COL21A1: variants seen among roughly 807,000 people sequenced by gnomAD.
COL21A1 encodes collagen type XXI alpha 1 chain, also known as collagen alpha-1(XXI) chain.
COL21A1 carries 149 observed loss-of-function variants against 137.9 expected under a neutral mutation model. The ratio of observed to expected loss-of-function variants is 1.08; its 90% CI spans 0.95 to 1.24. The LOEUF (loss-of-function observed/expected upper bound fraction) is 1.24. COL21A1 is among the 50% of genes most tolerant of loss of function. The probability of loss-of-function intolerance (pLI) is 0.00; values close to 1 mark genes in which losing one functional copy is unlikely to be tolerated. For synonymous variants in COL21A1, 456 were observed against 391.5 expected (o/e 1.16, Z -1.95); for missense variants, 1,167 against 1,158.4 (o/e 1.01, Z -0.11).
chr6:56,109,181 A>T (rs1277555178), intron 16 of COL21A1, among the ~76,000 whole-genome samples: 1 of 151,794 alleles, frequency 6.6e-6, no homozygotes, highest in Admixed American at 6.5e-5. Context: ...GTAGGAAAAA[A>T]GAATAAAGAA....
intron 1 of COL21A1, among the ~76,000 whole-genome samples, chr6:56,220,392 CA>C (rs1445793373): frequency 6.6e-6 from 1 of 152,164 alleles, no homozygotes; most frequent in African/African-American, 2.4e-5. Context: ...AGTTAGTCAT[CA>C]TTTGGTATTA....
At chr6:56,289,298 C>T (rs1251042812) in intron 1 of COL21A1, among the ~76,000 whole-genome samples, 8 of 152,200 alleles carry the variant, frequency 5.3e-5, no homozygotes, top group Non-Finnish European at 1.0e-4. Context: ...ATTCTTGTGA[C>T]GCCAGAGTTC....
chr6:56,059,252 G>A lies in COL21A1; in HGVS notation c.2609-10C>T. The A allele has an allele frequency of 6.3e-7, 1 of 1,580,312 alleles. No homozygotes were observed. The highest frequency in any genetic ancestry group is 1.9e-5 in the Admixed American group (1 of 52,090). On this transcript the variant is annotated splice_polypyrimidine_tract_variant and intron_variant, in intron 28 of 29. Coordinates refer to ENST00000244728, the MANE Select transcript of COL21A1 (RefSeq NM_030820.4). ...TTTCTTCCTGGTAGGCCTGCAGGGTGTCAAACATCTGAGTAAGTTTACTTA... is the reference window on the plus strand; with the variant it reads ...TTTCTTCCTGGTAGGCCTGCAGGGTATCAAACATCTGAGTAAGTTTACTTA...
chr6:56,223,551 A>G (rs1338673219), intron 1 of COL21A1, among the ~76,000 whole-genome samples: 2 of 152,122 alleles, frequency 1.3e-5, no homozygotes, highest in African/African-American at 2.4e-5. Context: ...GCCAAACAAA[A>G]CACATTAAAA....
At chr6:56,175,295 C>G (rs912774343) in intron 3 of COL21A1, among the ~76,000 whole-genome samples, 21 of 151,826 alleles carry the variant, frequency 1.4e-4, no homozygotes, top group African/African-American at 5.1e-4. Flanking sequence ...AGGAATTAGG[C>G]AAGAAAAGAA....
chr6:56,350,198 C>A (rs1765680912), intron 1 of COL21A1, among the ~76,000 whole-genome samples: 1 of 152,162 alleles, frequency 6.6e-6, no homozygotes. Flanking sequence ...CCACTCCAAA[C>A]TGGGGAGCAG....
intron 1 of COL21A1, among the ~76,000 whole-genome samples, chr6:56,189,400 G>T (rs1327124104): frequency 6.6e-6 from 1 of 151,832 alleles, no homozygotes; most frequent in Non-Finnish European, 1.5e-5. Flanking sequence ...GAAATAAAGT[G>T]AAAAGACAAG....
rs560369829 is a variant in COL21A1 at position 56,182,667 on chromosome 6, A to G, written c.-38-11T>C. The G allele has an allele frequency of 6.9e-5, 83 of 1,204,774 alleles. No individual in the cohort carries two copies. The East Asian group carries it at 1.8e-3, about 26-fold the overall frequency. 74.6% of individuals were successfully genotyped at this position (1,204,774 alleles called of 1,614,324 possible). ...TTGGTTTTAGGATTCCTAGGGGGAA[A>G]AAAAAGGCAAGTTAAATATATTAAT... is the stretch of plus-strand genomic sequence containing the variant. On this transcript the variant is annotated splice_polypyrimidine_tract_variant and intron_variant, in intron 1 of 29. Transcript: ENST00000244728.
rs140153046 is a variant in COL21A1, at chr6:56,374,877, T to C, written c.-39+19094A>G. On this transcript the variant is annotated intron_variant, in intron 1 of 28. Transcript: ENST00000370819. ...CTCCCATCTAATTACTCATTTCTGG[T>C]CACCTAGAACTTGGTGAGATTCTTT... 4.0e-5 allele frequency among the ~76,000 whole-genome samples: 6 copies of C among 151,416 alleles called. No homozygotes were observed. In the East Asian group the frequency reaches 1.2e-3, roughly 30 times the overall value.
chr6:56,057,641 A>C lies in COL21A1; in HGVS notation c.*16T>G, dbSNP rs1434303835. On this transcript the variant is annotated 3_prime_UTR_variant, in exon 30 of 30. Coordinates refer to ENST00000244728, the MANE Select transcript of COL21A1 (RefSeq NM_030820.4). ...AAAAAGCACCATGCCTAGGCTGCTG[A>C]ATGAGGCATCAGACACTAATAGTTT... is the stretch of plus-strand genomic sequence containing the variant. 1 of 1,611,462 alleles carries C rather than the reference A, an allele frequency of 6.2e-7. No individual in the cohort carries two copies. Among genetic ancestry groups the C allele is most frequent in the Admixed American group, 1.7e-5 (1 of 59,916 alleles).
intron 1 of COL21A1, among the ~76,000 whole-genome samples, chr6:56,384,957 C>G (rs2094015079): frequency 6.6e-6 from 1 of 152,158 alleles, no homozygotes; most frequent in Non-Finnish European, 1.5e-5. Flanking sequence ...AGGATAGAGA[C>G]ACTTCCGAGA....
intron 1 of COL21A1, among the ~76,000 whole-genome samples, chr6:56,196,872 A>C (rs1272929609): frequency 4.5e-4 from 69 of 152,190 alleles, no homozygotes; most frequent in African/African-American, 1.6e-3. Flanking sequence ...CAAAAATAGA[A>C]AAATTAAGTC....
At chr6:56,117,187 C>G (rs904770702) in intron 16 of COL21A1, among the ~76,000 whole-genome samples, 1 of 151,886 alleles carries the variant, frequency 6.6e-6, no homozygotes, top group African/African-American at 2.4e-5. Flanking sequence ...ACCCATTGAT[C>G]TATTGCCTAC....
At chr6:56,235,499 C>CA (rs1411751584) in intron 1 of COL21A1, among the ~76,000 whole-genome samples, 1 of 151,862 alleles carries the variant, frequency 6.6e-6, no homozygotes, top group Non-Finnish European at 1.5e-5. Flanking sequence ...TGCTAAGTGT[C>CA]AAAAATAGAT....
intron 1 of COL21A1, among the ~76,000 whole-genome samples, chr6:56,205,503 G>C (rs1276831940): frequency 6.6e-6 from 1 of 152,184 alleles, no homozygotes; most frequent in Non-Finnish European, 1.5e-5. Context: ...CAAAATCTAT[G>C]TTTGATTGGC....
intron 1 of COL21A1, among the ~76,000 whole-genome samples, chr6:56,211,645 G>A (rs187020153): frequency 7.2e-5 from 11 of 152,104 alleles, no homozygotes; most frequent in Admixed American, 5.2e-4. Context: ...CAAACTGGGG[G>A]AGAGAGGAAG....
chr6:56,160,386 A>G (rs1212054430), intron 9 of COL21A1, among the ~76,000 whole-genome samples: 1 of 152,214 alleles, frequency 6.6e-6, no homozygotes, highest in Non-Finnish European at 1.5e-5. Context: ...GTCACACAGC[A>G]GTGATAGAGA....
At chr6:56,170,263 G>C (rs952873667) in intron 5 of COL21A1, among the ~76,000 whole-genome samples, 3 of 151,722 alleles carry the variant, frequency 2.0e-5, no homozygotes, top group Admixed American at 6.6e-5. Context: ...GGACTTTGAC[G>C]TCAACTAGAC....
intron 16 of COL21A1, among the ~76,000 whole-genome samples, chr6:56,111,789 G>A (rs1436999321): frequency 6.6e-6 from 1 of 151,984 alleles, no homozygotes; most frequent in African/African-American, 2.4e-5. Context: ...CAGGAGAATG[G>A]CTTGAACCTG....
Sources: gnomAD v4.1 joint callset for allele counts (sites outside exome capture counted in the v4.1 genomes callset) on GRCh38, gnomAD v4.1.1 for gene constraint, MANE v1.5 for transcripts, NCBI Gene and HGNC (gene_info 2026-07-23, HGNC 2026-07-21) for gene names.